Variants in UBE2E1 observed in about 807,000 individuals in gnomAD.
The protein encoded by UBE2E1 is ubiquitin conjugating enzyme E2 E1, also known as ubiquitin-conjugating enzyme E2 E1.
In UBE2E1, 6 loss-of-function variants were observed where a neutral mutation model predicts 21.4. The observed-to-expected ratio is 0.28, with a 90% confidence interval of 0.15 to 0.55. UBE2E1 has a LOEUF of 0.55. UBE2E1 is among the 20% of genes least tolerant of loss of function. The probability of loss-of-function intolerance (pLI) is 0.93; values close to 1 mark genes in which losing one functional copy is unlikely to be tolerated. For synonymous variants in UBE2E1, 87 were observed against 82.7 expected, an observed-to-expected ratio of 1.05 and a Z score of -0.28; for missense variants, 142 against 236.5, an observed-to-expected ratio of 0.60 and a Z score of 2.62.
At chr3:23,860,223 C>G (rs902056215) in intron 3 of UBE2E1, among the ~76,000 whole-genome samples, 2 of 152,220 alleles carry the variant, frequency 1.3e-5, no homozygotes, top group Admixed American at 1.3e-4. Flanking sequence ...AACGTTCTGA[C>G]CCGCTCAGGT....
intron 3 of UBE2E1, among the ~76,000 whole-genome samples, chr3:23,833,723 G>C (rs186372762): frequency 2.4e-4 from 36 of 152,364 alleles, no homozygotes; most frequent in Admixed American, 1.4e-3. Context: ...GTGGCTGGGC[G>C]TGATGGCTTA....
chr3:23,855,611 C>T lies in UBE2E1; in HGVS notation c.204-31956C>T, dbSNP rs369286070. On this transcript the variant is annotated intron_variant, in intron 3 of 5. Transcript: ENST00000306627. ...TTGGGAGGCCGAGGTGGGCGGATCA[C>T]GAGGTCAGGAGATCGAGACCATCCT... Among the ~76,000 whole-genome samples the T allele has an allele frequency of 2.8e-3, 423 of 152,138 alleles. 13 individuals carry two copies. In the South Asian group the frequency reaches 0.043, roughly 15 times the overall value.
intron 3 of UBE2E1, among the ~76,000 whole-genome samples, chr3:23,881,335 G>A (rs1376763362): frequency 1.3e-5 from 2 of 152,078 alleles, no homozygotes; most frequent in Non-Finnish European, 2.9e-5. Flanking sequence ...TTTTTGCCTT[G>A]TATGTATTTG....
intron 3 of UBE2E1, among the ~76,000 whole-genome samples, chr3:23,874,811 A>C (rs1273316760): frequency 6.6e-6 from 1 of 152,176 alleles, no homozygotes; most frequent in Non-Finnish European, 1.5e-5. Flanking sequence ...TACTGATCTT[A>C]CTTTAATTCT....
Position 23,864,690 on chromosome 3 carries a change from G to A in UBE2E1, c.204-22877G>A, listed in dbSNP as rs1700617687. 2.0e-5 allele frequency among the ~76,000 whole-genome samples: 3 copies of A among 152,260 alleles called. No homozygotes were observed. In the South Asian group the frequency reaches 6.2e-4, roughly 32 times the overall value. On this transcript the variant is annotated intron_variant, in intron 3 of 5. Coordinates refer to ENST00000306627, the MANE Select transcript of UBE2E1 (RefSeq NM_003341.5). Reference sequence around the variant, plus strand: ...ATTCTCCCTATAATTTCTGTTTTCTGTAGTTGGCTATCTTCTAGTTTGTTT... The same window carrying A: ...ATTCTCCCTATAATTTCTGTTTTCTATAGTTGGCTATCTTCTAGTTTGTTT...
intron 3 of UBE2E1, among the ~76,000 whole-genome samples, chr3:23,843,559 A>G (rs568967390): frequency 1.3e-3 from 203 of 152,338 alleles, no homozygotes; most frequent in African/African-American, 4.7e-3. Context: ...AATGAGATCT[A>G]TAATAATTTG....
chr3:23,858,949 A>T (rs1700496947), intron 3 of UBE2E1, among the ~76,000 whole-genome samples: 1 of 152,194 alleles, frequency 6.6e-6, no homozygotes, highest in Non-Finnish European at 1.5e-5. Context: ...ACCTCATATC[A>T]AATACCTCGT....
chr3:23,891,368 C>G lies in UBE2E1; in HGVS notation c.*762C>G, dbSNP rs1021971278. 1.3e-5 allele frequency: 2 copies of G among 152,156 alleles called. No homozygotes were observed. Among genetic ancestry groups the G allele is most frequent in the African/African-American group, 4.8e-5 (2 of 41,424 alleles). The allele number at this position is 152,156 out of a possible 1,614,324, so 9.4% of individuals were successfully genotyped here. ...GCCTTTTGGTTGCCATTCGCAGATT[C>G]TTCTGAAATCGATAGGTATCTGCTT... On this transcript the variant is annotated 3_prime_UTR_variant, in exon 6 of 6. Transcript: ENST00000306627.
intron 3 of UBE2E1, among the ~76,000 whole-genome samples, chr3:23,818,463 T>G (rs969957226): frequency 4.6e-5 from 7 of 152,236 alleles, no homozygotes; most frequent in Admixed American, 4.6e-4. Flanking sequence ...CTACATGTTC[T>G]TCCCAACTGC....
At position 23,854,291 on chromosome 3, in the gene UBE2E1, G is replaced by C. The variant is rs555289870; in HGVS notation, c.204-33276G>C. Among the ~76,000 whole-genome samples the C allele has an allele frequency of 2.0e-5, 3 of 151,458 alleles. No individual in the cohort carries two copies. The South Asian group carries it at 6.3e-4, about 32-fold the overall frequency. On this transcript the variant is annotated intron_variant, in intron 3 of 5. Transcript: ENST00000306627. ...TTTATGCATCTACCCACAGTGATTG[G>C]TTCAGAGAGGGTATTTAACTTAATC...
intron 3 of UBE2E1, among the ~76,000 whole-genome samples, chr3:23,878,150 G>T (rs1700957833): frequency 6.6e-6 from 1 of 152,162 alleles, no homozygotes; most frequent in Non-Finnish European, 1.5e-5. Context: ...GAAGATTTGT[G>T]GGGTAGGGAG....
intron 2 of UBE2E1, 180 bp downstream of exon 2, chr3:23,807,601 C>A: frequency 3.0e-6 from 2 of 672,042 alleles, no homozygotes; most frequent in Non-Finnish European, 4.4e-6. Flanking sequence ...GTTTTTAAAT[C>A]ATTGCTCACA....
intron 3 of UBE2E1, among the ~76,000 whole-genome samples, chr3:23,875,921 C>A (rs183170893): frequency 3.3e-5 from 5 of 152,158 alleles, no homozygotes; most frequent in African/African-American, 1.2e-4. Flanking sequence ...TACAGGCGCT[C>A]GCCACCACGC....
chr3:23,819,651 G>A (rs1054031950), intron 3 of UBE2E1, among the ~76,000 whole-genome samples: 2 of 152,154 alleles, frequency 1.3e-5, no homozygotes, highest in Admixed American at 6.5e-5. Flanking sequence ...ACCTAATTTG[G>A]TCGGATGGTT....
At position 23,806,917 on chromosome 3, in the gene UBE2E1, C is replaced by T. The variant is rs1056351695; in HGVS notation, c.-33-320C>T. ...TTCCCTCCCTGCCCCGCCGTGGCGC[C>T]CCGCGCCCCCCGCCCTGCCCTCCTT... is the stretch of plus-strand genomic sequence containing the variant. On this transcript the variant is annotated intron_variant, in intron 1 of 5. Coordinates refer to ENST00000306627, the MANE Select transcript of UBE2E1 (RefSeq NM_003341.5). The surrounding 1 kb of genome is among the most constrained non-coding windows in gnomAD (Gnocchi z 6.5). The T allele has an allele frequency of 4.1e-4, 74 of 179,150 alleles. No homozygotes were observed. The highest frequency in any genetic ancestry group is 7.6e-4 in the Non-Finnish European group (66 of 86,352). The allele number at this position is 179,150 out of a possible 1,614,324, so 11.1% of individuals were successfully genotyped here. A position where few individuals can be genotyped will look rare whatever the true frequency, so the allele number is the denominator to read the frequency against.
chr3:23,806,537 C>A lies in UBE2E1; in HGVS notation c.-34+449C>A, dbSNP rs1166998191. Among the ~76,000 whole-genome samples the A allele has an allele frequency of 1.3e-5, 2 of 151,002 alleles. No individual in the cohort carries two copies. Among genetic ancestry groups the A allele is most frequent in the African/African-American group, 4.8e-5 (2 of 41,338 alleles). On this transcript the variant is annotated intron_variant, in intron 1 of 5. Transcript: ENST00000306627. The surrounding 1 kb of genome is among the most constrained non-coding windows in gnomAD (Gnocchi z 6.5). ...CCCCATTCCCCGCCGCAGCCCCTAT[C>A]CCCCTACAGGAGTGGCGATCGGGCG...
intron 3 of UBE2E1, among the ~76,000 whole-genome samples, chr3:23,846,807 A>T (rs1169881491): frequency 6.6e-6 from 1 of 151,942 alleles, no homozygotes; most frequent in East Asian, 1.9e-4. Flanking sequence ...ATTGTTAAAG[A>T]TGGGACATAG....
At chr3:23,886,212 A>G (rs1701179867) in intron 3 of UBE2E1, among the ~76,000 whole-genome samples, 5 of 152,218 alleles carry the variant, frequency 3.3e-5, no homozygotes, top group Admixed American at 3.3e-4. Context: ...TCAAAAATAA[A>G]AAATAAAACA....
intron 2 of UBE2E1, 63 bp from the exon 3 acceptor site, chr3:23,811,397 A>G: frequency 2.0e-6 from 3 of 1,529,608 alleles, no homozygotes; most frequent in Non-Finnish European, 2.7e-6. Context: ...TGCACGCTAC[A>G]GGTGGGAGGC....
Sources: allele counts gnomAD v4.1 joint callset (sites outside exome capture counted in the v4.1 genomes callset), GRCh38; gene constraint gnomAD v4.1.1; non-coding constraint Gnocchi (gnomAD v3.1); transcripts MANE v1.5; gene names NCBI Gene and HGNC (gene_info 2026-07-23, HGNC 2026-07-21).